USP53: variants seen among roughly 807,000 people sequenced by gnomAD.
USP53 encodes the protein ubiquitin specific peptidase 53, also known as ubiquitin carboxyl-terminal hydrolase 53.
Under a neutral mutation model 94.9 loss-of-function variants are expected in USP53, and 71 were observed. The observed-to-expected ratio is 0.75, with a 90% confidence interval of 0.62 to 0.91. The LOEUF (loss-of-function observed/expected upper bound fraction) is 0.91. Among genes scored for constraint, USP53 ranks in the 40% least tolerant of loss-of-function variants. The probability of loss-of-function intolerance (pLI) is 0.00; values close to 1 mark genes in which losing one functional copy is unlikely to be tolerated. For synonymous variants in USP53, 375 were observed against 422.7 expected (o/e 0.89, Z 1.39); for missense variants, 1,173 against 1,281.0 (o/e 0.92, Z 1.29).
chr4:119,283,539 G>A (rs982313169), intron 17 of USP53, among the ~76,000 whole-genome samples: 2 of 151,894 alleles, frequency 1.3e-5, no homozygotes, highest in African/African-American at 4.8e-5. Context: ...GATGATGATT[G>A]TAATAGCCTA....
chr4:119,245,544 T>C, intron 6 of USP53, 115 bp downstream of exon 6: 2 of 828,602 alleles, frequency 2.4e-6, no homozygotes, highest in Non-Finnish European at 4.0e-6. Context: ...ATTAACAGTT[T>C]TGAAGATGAA....
At chr4:119,237,448 G>T (rs1418310970) in intron 4 of USP53, among the ~76,000 whole-genome samples, 1 of 152,068 alleles carries the variant, frequency 6.6e-6, no homozygotes, top group African/African-American at 2.4e-5. Context: ...ATTCATAGAT[G>T]ACCTGCTTCT....
intron 14 of USP53, among the ~76,000 whole-genome samples, chr4:119,269,419 CT>C (rs1320650962): frequency 6.6e-6 from 1 of 152,070 alleles, no homozygotes; most frequent in Non-Finnish European, 1.5e-5. Context: ...ATTCAGTTAC[CT>C]TTAGCTCTTA....
rs752927353 is a variant in USP53, at chr4:119,271,980, A to C, written c.2120A>C (p.Asp707Ala). The change falls in exon 16 of 19, where the codon GAT (aspartate) becomes GCT (alanine). Residue 707 changes from aspartate (D) to alanine (A), a missense_variant. Coordinates refer to ENST00000692078, the MANE Select transcript of USP53 (RefSeq NM_001371395.1). ...ACTAATTTGGACTCACCTGTTATCG[A>C]TGGAAATGGTACAGTAATGGATATC... ...GSTNLDSPVI[D>A]GNGTVMDISG... is the part of the protein sequence containing the mutation. The C allele has an allele frequency of 1.9e-6, 3 of 1,613,126 alleles. No homozygotes were observed. The African/African-American group carries it at 4.0e-5, about 22-fold the overall frequency.
rs779784920 is a variant in USP53 at position 119,273,717 on chromosome 4, C to T, written c.2251+9C>T. On this transcript the variant is annotated intron_variant, in intron 17 of 18. Coordinates refer to ENST00000692078, the MANE Select transcript of USP53 (RefSeq NM_001371395.1). ...CCAACATCACTTAGAAGGTAAAAAA[C>T]TTATTTGAATATAATAGTTGCTGTA... 5.0e-6 allele frequency: 8 copies of T among 1,604,020 alleles called. No individual in the cohort carries two copies. The African/African-American group carries it at 1.1e-4, about 22-fold the overall frequency.
chr4:119,269,931 AAAT>A (rs1233803263), intron 15 of USP53, 94 bp downstream of exon 15: 6 of 599,598 alleles, frequency 1.0e-5, no homozygotes, highest in South Asian at 7.7e-5. Flanking sequence ...TGTATATGTT[AAAT>A]AATATATATT....
At chr4:119,240,048 T>A (rs1264085052) in intron 5 of USP53, 145 bp downstream of exon 5, 1 of 895,472 alleles carries the variant, frequency 1.1e-6, no homozygotes, top group Non-Finnish European at 1.5e-6. Flanking sequence ...AGCAAAAGTG[T>A]TTTGGCTGGT....
chr4:119,292,453 C>G lies in USP53; in HGVS notation c.2464C>G (p.Pro822Ala). Residue 822 changes from proline to alanine, a missense_variant, in exon 19 of 19, where the codon CCG (proline) becomes GCG (alanine). Physicochemically the swap from Pro to Ala is conservative, Grantham distance 27 (BLOSUM62 -1). Transcript: ENST00000692078. Reference protein sequence around the residue: ...HQSDEQKLEKPNECKFSEWLN... With the variant: ...HQSDEQKLEKANECKFSEWLN... Reference sequence around the variant, plus strand: ...GTCAGATGAACAGAAACTTGAAAAACCGAATGAATGCAAATTTTCTGAGTG... The same window carrying G: ...GTCAGATGAACAGAAACTTGAAAAAGCGAATGAATGCAAATTTTCTGAGTG... 6.2e-7 allele frequency: 1 copy of G among 1,613,928 alleles called. No homozygotes were observed. The highest frequency in any genetic ancestry group is 8.5e-7 in the Non-Finnish European group (1 of 1,179,896).
At chr4:119,254,807 G>T (rs575351442) in intron 7 of USP53, among the ~76,000 whole-genome samples, 2 of 152,264 alleles carry the variant, frequency 1.3e-5, no homozygotes, top group South Asian at 4.1e-4. Context: ...AGACATTCTG[G>T]TTTTTGTAAT....
chr4:119,241,714 T>G (rs1199036309), intron 5 of USP53, among the ~76,000 whole-genome samples: 1 of 152,160 alleles, frequency 6.6e-6, no homozygotes, highest in Non-Finnish European at 1.5e-5. Flanking sequence ...TTCTTGTGTT[T>G]GGGTTTGTTG....
At chr4:119,268,162 A>G in intron 13 of USP53, 106 bp from the exon 14 acceptor site, 2 of 1,135,718 alleles carry the variant, frequency 1.8e-6, no homozygotes, top group South Asian at 1.7e-5. Context: ...CGACAGAGCG[A>G]GACTCCGTCT....
chr4:119,276,180 T>G (rs1354311047), intron 17 of USP53, among the ~76,000 whole-genome samples: 1 of 111,086 alleles, frequency 9.0e-6, no homozygotes, highest in Non-Finnish European at 2.0e-5. Flanking sequence ...TTGTGCCAGT[T>G]TTCAAAGGGA....
chr4:119,268,489 A>T, intron 14 of USP53, 69 bp downstream of exon 14: 1 of 1,398,468 alleles, frequency 7.2e-7, no homozygotes. Context: ...TTATCGGAGG[A>T]TGCTTACCTA....
chr4:119,237,213 T>C (rs1424040889), intron 4 of USP53, among the ~76,000 whole-genome samples: 1 of 152,238 alleles, frequency 6.6e-6, no homozygotes, highest in South Asian at 2.1e-4. Flanking sequence ...TAAACAGATG[T>C]GCTGTCATCC....
chr4:119,238,722 T>C (rs1353859500), intron 4 of USP53, among the ~76,000 whole-genome samples: 1 of 152,242 alleles, frequency 6.6e-6, no homozygotes, highest in Non-Finnish European at 1.5e-5. Flanking sequence ...TTTTAATTCA[T>C]AGGTTTAACA....
At position 119,270,041 on chromosome 4, in the gene USP53, TTATA is replaced by T. The variant is rs903324256; in HGVS notation, c.1435+209_1435+212del. Among the ~76,000 whole-genome samples the T allele has an allele frequency of 4.9e-3, 609 of 124,788 alleles. 4 individuals are homozygous for T. The highest frequency in any genetic ancestry group is 0.016 in the African/African-American group (591 of 36,424). The allele number at this position is 124,788 out of a possible 152,430, so 81.9% of individuals were successfully genotyped here. On this transcript the variant is annotated intron_variant, in intron 15 of 18. Transcript: ENST00000692078. ...TTCTGTATATGTATAAATATATAAA[TTATA>T]TATAATTTATATAGTTTATATATAG...
intron 12 of USP53, 145 bp downstream of exon 12, chr4:119,262,009 T>A: frequency 1.3e-6 from 1 of 791,340 alleles, no homozygotes; most frequent in Non-Finnish European, 1.7e-6. Context: ...CATCAGTAAG[T>A]TCAAACTTTC....
At chr4:119,229,454 G>A (rs1187092901) in intron 3 of USP53, among the ~76,000 whole-genome samples, 1 of 152,138 alleles carries the variant, frequency 6.6e-6, no homozygotes, top group African/African-American at 2.4e-5. Flanking sequence ...CCCCTTGAAT[G>A]TTCTGTAGAA....
chr4:119,216,166 G>A (rs1169088930), intron 2 of USP53, among the ~76,000 whole-genome samples: 3 of 151,948 alleles, frequency 2.0e-5, no homozygotes, highest in Non-Finnish European at 2.9e-5. Context: ...GATCACTTGA[G>A]GCCAGGAGAT....
Sources: allele counts gnomAD v4.1 joint callset (sites outside exome capture counted in the v4.1 genomes callset), GRCh38; gene constraint gnomAD v4.1.1; transcripts MANE v1.5; gene names NCBI Gene and HGNC (gene_info 2026-07-23, HGNC 2026-07-21).